SPANXN3: variants seen among roughly 807,000 people sequenced by gnomAD.
The protein encoded by SPANXN3 is SPANX family member N3.
SPANXN3 carries 1 observed loss-of-function variant against 1.9 expected under a neutral mutation model. The ratio of observed to expected loss-of-function variants is 0.54; its 90% confidence interval spans 0.19 to 2.54. The LOEUF is 2.54. Among genes scored for constraint, SPANXN3 ranks in the 30% most tolerant of loss-of-function variants. SPANXN3 has a pLI of 0.24. For missense variants in SPANXN3, 113 were observed against 96.2 expected, an observed-to-expected ratio of 1.17 and a Z score of -0.73; for synonymous variants, 47 against 40.0, an observed-to-expected ratio of 1.17 and a Z score of -0.66.
intron 1 of SPANXN3, 92 bp downstream of exon 1, chrX:143,517,222 T>A (rs1391849287): frequency 1.4e-5 from 14 of 1,008,335 alleles, no homozygotes; most frequent in Non-Finnish European, 1.8e-5. Flanking sequence ...TCCACAGGTG[T>A]CTGCAGTATT....
At position 143,508,970 on chromosome X, in the gene SPANXN3, A is replaced by G. The variant is rs1556411247; in HGVS notation, c.271T>C (p.Leu91=). The change falls in exon 2 of 2, where the codon TTA becomes CTA. Residue 91 remains leucine, a synonymous_variant. Coordinates refer to ENST00000370503, the MANE Select transcript of SPANXN3 (RefSeq NM_001009609.4). ...TCCTCATTTGAAGATCCTTCAGATA[A>G]GTCTACGCCTTCGTCCTCCTCCTTT... ...IQKEEDEGVD[L]SEGSSNEDED... The G allele has an allele frequency of 1.7e-6, 2 of 1,212,104 alleles. No individual in the cohort carries two copies. The highest frequency in any genetic ancestry group is 4.3e-5 in the Admixed American group (2 of 46,097).
In SPANXN3 at chrX:143,517,354, G is replaced by T; in HGVS notation, c.38C>A (p.Thr13Lys). 1 of 1,209,339 alleles carries T rather than the reference G, an allele frequency of 8.3e-7. No homozygotes were observed. Among genetic ancestry groups the T allele is most frequent in the Middle Eastern group, 2.3e-4 (1 of 4,347 alleles). ...GTTATTGGATTCACAGGGGCTCTTC[G>T]TCTTCTCCCCATTGGTGCTGGAAGT... is the stretch of plus-strand genomic sequence containing the variant. ...QPTSSTNGEK[T>K]KSPCESNNKK... The change falls in exon 1 of 2, where the codon ACG (threonine) becomes AAG (lysine). Residue 13 changes from threonine to lysine, a missense_variant. Physicochemically the swap from Thr to Lys is moderately conservative, Grantham distance 78. Transcript: ENST00000370503.
intron 1 of SPANXN3, among the ~76,000 whole-genome samples, chrX:143,514,332 G>C (rs1556412174): frequency 8.9e-6 from 1 of 112,531 alleles, no homozygotes; most frequent in East Asian, 2.8e-4. Flanking sequence ...AAAACCTTCT[G>C]TACTTTCATA....
chrX:143,510,517 T>C (rs1260313557), intron 1 of SPANXN3, among the ~76,000 whole-genome samples: 1 of 111,543 alleles, frequency 9.0e-6, no homozygotes, highest in Admixed American at 9.5e-5. Context: ...CCCCAGAGTA[T>C]TCACTCCCAT....
chrX:143,512,436 C>G (rs1232728602), intron 1 of SPANXN3, among the ~76,000 whole-genome samples: 3 of 111,453 alleles, frequency 2.7e-5, no homozygotes, highest in Non-Finnish European at 3.8e-5. Context: ...CTTTAACAAG[C>G]TCATATTCTC....
intron 1 of SPANXN3, among the ~76,000 whole-genome samples, chrX:143,511,736 T>C (rs73235682): frequency 0.22 from 24,448 of 110,288 alleles, 2,607 homozygotes; most frequent in Non-Finnish European, 0.32. Context: ...CCTGGCCTAA[T>C]CCCGTGACAC....
intron 1 of SPANXN3, among the ~76,000 whole-genome samples, chrX:143,514,569 C>A (rs782460860): frequency 9.0e-6 from 1 of 111,431 alleles, no homozygotes; most frequent in South Asian, 3.9e-4. Context: ...ACATGTCCCC[C>A]AGAAAGTGAT....
intron 1 of SPANXN3, chrX:143,510,234 T>G (rs1161311261): frequency 9.0e-6 from 1 of 111,377 alleles, no homozygotes; most frequent in Non-Finnish European, 1.9e-5. Context: ...TTTCTATTTC[T>G]GCTTGTTCTC....
chrX:143,514,266 G>A (rs782190087), intron 1 of SPANXN3, among the ~76,000 whole-genome samples: 6 of 111,423 alleles, frequency 5.4e-5, no homozygotes, highest in South Asian at 3.9e-4. Flanking sequence ...CCGGGCTGGT[G>A]CCATTCAGGA....
intron 1 of SPANXN3, among the ~76,000 whole-genome samples, chrX:143,511,579 C>T (rs1372501016): frequency 9.0e-6 from 1 of 111,235 alleles, no homozygotes; most frequent in East Asian, 2.8e-4. Flanking sequence ...CTAAAAAACC[C>T]AAACCTAAAA....
At chrX:143,511,049 A>T (rs1331723325) in intron 1 of SPANXN3, among the ~76,000 whole-genome samples, 4 of 111,947 alleles carry the variant, frequency 3.6e-5, no homozygotes, top group Non-Finnish European at 7.5e-5. Flanking sequence ...CTCCTTTTCA[A>T]TGGATCCTAC....
chrX:143,514,762 G>C (rs1929174673), intron 1 of SPANXN3, among the ~76,000 whole-genome samples: 3 of 111,380 alleles, frequency 2.7e-5, no homozygotes, highest in Admixed American at 9.5e-5. Context: ...ACCAACAGCT[G>C]GTAAAGGCTG....
chrX:143,509,098 T>C lies in SPANXN3; in HGVS notation c.143A>G (p.Glu48Gly). Reference protein sequence around the residue: ...EQSLKNTKTSEYPIIFVYYLR... With the variant: ...EQSLKNTKTSGYPIIFVYYLR... ...GTAATACACAAATATTATTGGATAT[T>C]CTGATGTTTTTGTGTTCTTCAAACT... The change falls in exon 2 of 2, where the codon GAA becomes GGA. Residue 48 changes from glutamate (E) to glycine (G), a missense_variant. Coordinates refer to ENST00000370503, the MANE Select transcript of SPANXN3 (RefSeq NM_001009609.4). 2.5e-6 allele frequency: 3 copies of C among 1,211,918 alleles called. No homozygotes were observed. Among genetic ancestry groups the C allele is most frequent in the Non-Finnish European group, 3.4e-6 (3 of 895,471 alleles).
intron 1 of SPANXN3, among the ~76,000 whole-genome samples, chrX:143,510,376 G>A (rs1243750740): frequency 9.1e-6 from 1 of 110,198 alleles, no homozygotes; most frequent in Non-Finnish European, 1.9e-5. Context: ...AATAGCTATG[G>A]GGCTGTCCCA....
At position 143,509,007 on chromosome X, in the gene SPANXN3, G is replaced by T; in HGVS notation, c.234C>A (p.Ile78=). The part of the protein sequence containing the change: ...LENEQSQENS[I]NPIQKEEDEG... The stretch of plus-strand genomic sequence containing the variant: ...CGTCCTCCTCCTTTTGGATTGGATT[G>T]ATGGAGTTCTCTTGGGACTGTTCAT... Residue 78 remains isoleucine, a synonymous_variant, in exon 2 of 2, where the codon ATC becomes ATA. Coordinates refer to ENST00000370503, the MANE Select transcript of SPANXN3 (RefSeq NM_001009609.4). 1 of 1,212,062 alleles carries T rather than the reference G, an allele frequency of 8.3e-7. No individual in the cohort carries two copies. The highest frequency in any genetic ancestry group is 1.1e-6 in the Non-Finnish European group (1 of 895,559).
chrX:143,512,954 G>A (rs1334677330), intron 1 of SPANXN3, among the ~76,000 whole-genome samples: 2 of 111,677 alleles, frequency 1.8e-5, no homozygotes, highest in Non-Finnish European at 3.8e-5. Flanking sequence ...ACCAAAGTTT[G>A]GGCCTAGCCC....
chrX:143,515,760 A>G (rs1929201328), intron 1 of SPANXN3, among the ~76,000 whole-genome samples: 1 of 110,754 alleles, frequency 9.0e-6, no homozygotes, highest in South Asian at 3.9e-4. Context: ...GGCCACATGA[A>G]CTCGGTCCAA....
intron 1 of SPANXN3, chrX:143,516,668 C>A (rs1929223013): frequency 8.9e-6 from 1 of 112,294 alleles, no homozygotes. Flanking sequence ...CAGGCGGCCA[C>A]CCAGCAACAC....
rs782525836 is a variant in SPANXN3, at chrX:143,509,157, T to C, written c.84A>G (p.Gln28=). 1.0e-5 allele frequency: 12 copies of C among 1,199,635 alleles called. No homozygotes were observed. The Admixed American group carries it at 1.3e-4, about 13-fold the overall frequency. The change falls in exon 2 of 2, where the codon CAA becomes CAG. Residue 28 remains glutamine, a synonymous_variant. Transcript: ENST00000370503. ...ESNNKKNDEM[Q]EVPNRVLAPE... ...GGGCTAAGACTCTGTTTGGTACCTC[T>C]TGCATCTGGTAAGAAAATAGGGAGA...
Sources: gnomAD v4.1 joint callset for allele counts (sites outside exome capture counted in the v4.1 genomes callset) on GRCh38, gnomAD v4.1.1 for gene constraint, MANE v1.5 for transcripts, NCBI Gene and HGNC (gene_info 2026-07-23, HGNC 2026-07-21) for gene names.